Variants in MAN1A2 observed in about 807,000 individuals in gnomAD.
MAN1A2 encodes the protein mannosidase alpha class 1A member 2.
In MAN1A2, 26 loss-of-function variants were observed where a neutral mutation model predicts 75.7. That is an observed-to-expected ratio of 0.34 (90% CI 0.25 to 0.48). The LOEUF (loss-of-function observed/expected upper bound fraction) is 0.48, where lower values mean the gene tolerates loss of function less well. MAN1A2 is among the 20% of genes least tolerant of loss of function. The pLI is 0.99. For synonymous variants in MAN1A2, 247 were observed against 264.6 expected (o/e 0.93, Z 0.65); for missense variants, 562 against 775.5 (o/e 0.72, Z 3.27).
chr1:117,436,113 T>C (rs1648839057), intron 5 of MAN1A2, among the ~76,000 whole-genome samples: 1 of 152,168 alleles, frequency 6.6e-6, no homozygotes, highest in African/African-American at 2.4e-5. Flanking sequence ...AGAGACAGAA[T>C]CCATCTAGTT....
At chr1:117,385,105 A>G (rs1158498559) in intron 1 of MAN1A2, among the ~76,000 whole-genome samples, 1 of 152,154 alleles carries the variant, frequency 6.6e-6, no homozygotes, top group East Asian at 1.9e-4. Context: ...TCTTCCTTGT[A>G]GAATTAGAAT....
rs771898564 is a variant in MAN1A2, at chr1:117,414,544, CAA to C, written c.656-168_656-167del. ...ATATAATTTCTAATGTAAAAGGGAA[CAA>C]TATTGGGTATTCTAAATTTTTAGTC... On this transcript the variant is annotated intron_variant, in intron 3 of 12. Transcript: ENST00000356554. Among the ~76,000 whole-genome samples, 7 of 151,536 alleles carry C rather than the reference CAA, an allele frequency of 4.6e-5. No homozygotes were observed. The East Asian group carries it at 1.4e-3, about 29-fold the overall frequency.
chr1:117,378,538 C>G (rs1294225904), intron 1 of MAN1A2, among the ~76,000 whole-genome samples: 2 of 151,934 alleles, frequency 1.3e-5, no homozygotes, highest in Admixed American at 1.3e-4. Context: ...GTTGTTGTTG[C>G]AAAAACATTC....
chr1:117,504,462 A>G (rs1340783967), intron 12 of MAN1A2, among the ~76,000 whole-genome samples: 1 of 149,402 alleles, frequency 6.7e-6, no homozygotes, highest in South Asian at 2.1e-4. Flanking sequence ...TTAGCTTTTT[A>G]TTTTGCTGGA....
chr1:117,474,318 A>G lies in MAN1A2; in HGVS notation c.1168+7891A>G, dbSNP rs150498815. ...CAACTAAGCATTGCTGGTGAAAATAACAGTACAGATTAAAGTTACTATAAA... is the reference window on the plus strand; with the variant it reads ...CAACTAAGCATTGCTGGTGAAAATAGCAGTACAGATTAAAGTTACTATAAA... On this transcript the variant is annotated intron_variant, in intron 8 of 12. Transcript: ENST00000356554. 3.0e-3 allele frequency among the ~76,000 whole-genome samples: 455 copies of G among 152,074 alleles called. 3 individuals are homozygous for G. The highest frequency in any genetic ancestry group is 3.7e-3 in the Non-Finnish European group (252 of 67,964).
At chr1:117,374,612 T>C (rs139879523) in intron 1 of MAN1A2, among the ~76,000 whole-genome samples, 1 of 152,320 alleles carries the variant, frequency 6.6e-6, no homozygotes, top group African/African-American at 2.4e-5. Flanking sequence ...AGAAAGAACA[T>C]TGGACTCAGT....
chr1:117,384,290 C>G (rs1052334154), intron 1 of MAN1A2, among the ~76,000 whole-genome samples: 2 of 152,062 alleles, frequency 1.3e-5, no homozygotes, highest in African/African-American at 2.4e-5. Context: ...TTTGCTGCAT[C>G]CCATAAGTTT....
chr1:117,490,285 C>T (rs550303922), intron 8 of MAN1A2, among the ~76,000 whole-genome samples: 4 of 151,946 alleles, frequency 2.6e-5, no homozygotes, highest in South Asian at 2.1e-4. Context: ...AGCATGTGTT[C>T]GCTTTGTGTC....
chr1:117,491,032 G>C (rs1650866715), intron 8 of MAN1A2, among the ~76,000 whole-genome samples: 1 of 152,034 alleles, frequency 6.6e-6, no homozygotes, highest in African/African-American at 2.4e-5. Flanking sequence ...GAAGGAAGCT[G>C]CCTCCAAAAC....
chr1:117,408,786 T>TGAAA (rs1647706352), intron 3 of MAN1A2, among the ~76,000 whole-genome samples: 1 of 152,040 alleles, frequency 6.6e-6, no homozygotes, highest in Non-Finnish European at 1.5e-5. Flanking sequence ...TTTTTTTTCT[T>TGAAA]GAAGGTTTTT....
Position 117,380,461 on chromosome 1 carries a change from T to A in MAN1A2, c.302+11976T>A, listed in dbSNP as rs183242153. On this transcript the variant is annotated intron_variant, in intron 1 of 12. Transcript: ENST00000356554. ...CCAGAGTCATGAAGATTTACCCCAG[T>A]TTTTTCCATAAGATTTTTTAAAAAA... 7.2e-4 allele frequency among the ~76,000 whole-genome samples: 109 copies of A among 152,278 alleles called. 1 individual carries two copies. The highest frequency in any genetic ancestry group is 2.6e-3 in the African/African-American group (108 of 41,570).
intron 7 of MAN1A2, among the ~76,000 whole-genome samples, chr1:117,462,247 G>T (rs1006923251): frequency 6.6e-6 from 1 of 151,818 alleles, no homozygotes; most frequent in African/African-American, 2.4e-5. Context: ...TCCATTATTC[G>T]GTATGTACAT....
chr1:117,393,776 G>A (rs891606084), intron 1 of MAN1A2, among the ~76,000 whole-genome samples: 2 of 151,982 alleles, frequency 1.3e-5, no homozygotes, highest in African/African-American at 2.4e-5. Context: ...GTCTTTAAAG[G>A]GCTCTCATAT....
intron 8 of MAN1A2, among the ~76,000 whole-genome samples, chr1:117,492,130 G>T (rs1436660550): frequency 3.9e-5 from 6 of 152,094 alleles, no homozygotes; most frequent in Admixed American, 2.0e-4. Flanking sequence ...AAGTTTGAAA[G>T]AATTTTTACT....
chr1:117,469,500 A>G (rs988078158), intron 8 of MAN1A2, among the ~76,000 whole-genome samples: 3 of 152,152 alleles, frequency 2.0e-5, no homozygotes, highest in African/African-American at 7.2e-5. Flanking sequence ...GCATCAAAGC[A>G]TACTATCTAT....
intron 1 of MAN1A2, among the ~76,000 whole-genome samples, chr1:117,392,478 G>A (rs1050584659): frequency 8.5e-5 from 13 of 152,084 alleles, no homozygotes; most frequent in Middle Eastern, 3.4e-3. Context: ...ATAGCTGTCC[G>A]TGGTATTTAT....
At position 117,527,154 on chromosome 1, in the gene MAN1A2, A is replaced by C. The variant is rs1196231715; in HGVS notation, c.*4197A>C. ...TTAGCTCATTCAGATCAGGATGGAC[A>C]TGCTCTTTTTGATCTATAACTGTTC... On this transcript the variant is annotated 3_prime_UTR_variant, in exon 13 of 13. Coordinates refer to ENST00000356554, the MANE Select transcript of MAN1A2 (RefSeq NM_006699.5). The C allele has an allele frequency of 6.6e-6, 1 of 151,774 alleles. No homozygotes were observed. Among genetic ancestry groups the C allele is most frequent in the Admixed American group, 6.6e-5 (1 of 15,186 alleles). 9.4% of individuals were successfully genotyped at this position (151,774 alleles called of 1,614,324 possible).
intron 3 of MAN1A2, among the ~76,000 whole-genome samples, chr1:117,412,796 A>C (rs542536228): frequency 6.6e-6 from 1 of 151,824 alleles, no homozygotes; most frequent in Non-Finnish European, 1.5e-5. Context: ...TCAATTTTAC[A>C]CTTTTCTTCC....
At chr1:117,418,792 G>A (rs1648095519) in intron 4 of MAN1A2, among the ~76,000 whole-genome samples, 1 of 152,008 alleles carries the variant, frequency 6.6e-6, no homozygotes, top group East Asian at 1.9e-4. Flanking sequence ...TGTTTCTGTA[G>A]TGAAGGAAGA....
Sources: gnomAD v4.1 joint callset for allele counts (sites outside exome capture counted in the v4.1 genomes callset) on GRCh38, gnomAD v4.1.1 for gene constraint, MANE v1.5 for transcripts, NCBI Gene and HGNC (gene_info 2026-07-23, HGNC 2026-07-21) for gene names.